The following RAB3B variants were observed in gnomAD, a reference collection of about 807,000 sequenced individuals.
RAB3B encodes RAB3B, member RAS oncogene family.
In RAB3B, 11 loss-of-function variants were observed where a neutral mutation model predicts 20.5. That is an observed-to-expected ratio of 0.54 (90% CI 0.34 to 0.89). The LOEUF is 0.89. RAB3B is among the 40% of genes least tolerant of loss of function. The probability of loss-of-function intolerance (pLI) is 0.02; values close to 1 mark genes in which losing one functional copy is unlikely to be tolerated. For missense variants in RAB3B, 225 were observed against 280.9 expected (o/e 0.80, Z 1.42); for synonymous variants, 99 against 106.3 (o/e 0.93, Z 0.42).
In RAB3B at chr1:51,944,896, C is replaced by T. The variant is rs960388363; in HGVS notation, c.229-7484G>A. 2.6e-5 allele frequency among the ~76,000 whole-genome samples: 4 copies of T among 152,314 alleles called. No homozygotes were observed. The East Asian group carries it at 7.7e-4, about 29-fold the overall frequency. ...AAAGCAGTAGCAAGGTTTGAGAGGA[C>T]TGACTCAAATTTTTAAAGAAGTTCT... On this transcript the variant is annotated intron_variant, in intron 2 of 4. Transcript: ENST00000371655.
rs139624821 is a variant in RAB3B, at chr1:51,936,776, C to T, written c.347+518G>A. Among the ~76,000 whole-genome samples the T allele has an allele frequency of 5.4e-3, 817 of 152,116 alleles. 3 individuals carry two copies. The highest frequency in any genetic ancestry group is 0.019 in the African/African-American group (778 of 41,510). ...GGGTTCCCACAGCCCTGATGCCTCG[C>T]TTCATCACTGCACCTAGCACACATT... is the stretch of plus-strand genomic sequence containing the variant. On this transcript the variant is annotated intron_variant, in intron 3 of 4. Transcript: ENST00000371655.
chr1:51,963,352 A>G lies in RAB3B; in HGVS notation c.228+13538T>C, dbSNP rs141747520. On this transcript the variant is annotated intron_variant, in intron 2 of 4. Coordinates refer to ENST00000371655, the MANE Select transcript of RAB3B (RefSeq NM_002867.4). ...TGGCCCAACTTGAATTCTAAGGTCA[A>G]TCATGACAACAGCCTCCCTTCACAT... Among the ~76,000 whole-genome samples the G allele has an allele frequency of 1.6e-4, 24 of 152,286 alleles. No homozygotes were observed. The East Asian group carries it at 4.6e-3, about 29-fold the overall frequency.
intron 1 of RAB3B, among the ~76,000 whole-genome samples, chr1:51,985,134 C>T (rs2809928): frequency 0.97 from 147,034 of 152,312 alleles, 71,166 homozygotes; most frequent in East Asian, 1. Flanking sequence ...TAGTACTATA[C>T]GTAAACAATC....
chr1:51,936,308 T>G (rs764742183), intron 3 of RAB3B, among the ~76,000 whole-genome samples: 4 of 152,204 alleles, frequency 2.6e-5, no homozygotes, highest in Non-Finnish European at 5.9e-5. Flanking sequence ...AAGCTATAAG[T>G]TGCTCAGAGG....
In RAB3B at chr1:51,914,709, A is replaced by T. The variant is rs1371899981; in HGVS notation, c.*5218T>A. 6.6e-6 allele frequency: 1 copy of T among 152,162 alleles called. No individual in the cohort carries two copies. The highest frequency in any genetic ancestry group is 6.5e-5 in the Admixed American group (1 of 15,268). 9.4% of individuals were successfully genotyped at this position (152,162 alleles called of 1,614,324 possible). A position where few individuals can be genotyped will look rare whatever the true frequency, so the allele number is the denominator to read the frequency against. Reference sequence around the variant, plus strand: ...CCACAGGATGCTACTTGATTCCCCAACTATGGCAGGTAATTGGGTGTAGGC... The same window carrying T: ...CCACAGGATGCTACTTGATTCCCCATCTATGGCAGGTAATTGGGTGTAGGC... On this transcript the variant is annotated 3_prime_UTR_variant, in exon 5 of 5. Transcript: ENST00000371655.
intron 1 of RAB3B, among the ~76,000 whole-genome samples, chr1:51,984,792 T>C (rs1685131842): frequency 6.6e-6 from 1 of 152,200 alleles, no homozygotes; most frequent in Admixed American, 6.5e-5. Context: ...TACTAAAACA[T>C]AAATGTGATC....
At chr1:51,922,778 C>T (rs1030266889) in intron 4 of RAB3B, among the ~76,000 whole-genome samples, 3 of 151,964 alleles carry the variant, frequency 2.0e-5, no homozygotes, top group African/African-American at 7.3e-5. Flanking sequence ...CTCACTGCAA[C>T]CTCTGCCTCC....
At chr1:51,980,247 A>G (rs1034107536) in intron 1 of RAB3B, among the ~76,000 whole-genome samples, 2 of 152,104 alleles carry the variant, frequency 1.3e-5, no homozygotes, top group Admixed American at 6.5e-5. Context: ...TGGGCAACAT[A>G]GGGAGACCCC....
In RAB3B at chr1:51,918,338, T is replaced by C. The variant is rs993287433; in HGVS notation, c.*1589A>G. 3.3e-5 allele frequency: 5 copies of C among 152,122 alleles called. No individual in the cohort carries two copies. Among genetic ancestry groups the C allele is most frequent in the African/African-American group, 1.2e-4 (5 of 41,406 alleles). 9.4% of individuals were successfully genotyped at this position (152,122 alleles called of 1,614,324 possible). On this transcript the variant is annotated 3_prime_UTR_variant, in exon 5 of 5. Coordinates refer to ENST00000371655, the MANE Select transcript of RAB3B (RefSeq NM_002867.4). Reference sequence around the variant, plus strand: ...TGCTCAAGAGCAGTTAAAAGATGGATTGGAGGAAAAGGGCAGGATAGGGAG... The same window carrying C: ...TGCTCAAGAGCAGTTAAAAGATGGACTGGAGGAAAAGGGCAGGATAGGGAG...
At chr1:51,977,145 GA>G in intron 1 of RAB3B, 28 bp from the exon 2 acceptor site, 1 of 1,583,644 alleles carries the variant, frequency 6.3e-7, no homozygotes, top group Non-Finnish European at 8.7e-7. Context: ...AGTCACTCAG[GA>G]ACAGACCTTC....
At chr1:51,986,359 C>G (rs1014639553) in intron 1 of RAB3B, among the ~76,000 whole-genome samples, 2 of 152,088 alleles carry the variant, frequency 1.3e-5, no homozygotes, top group East Asian at 3.9e-4. Flanking sequence ...ACCGTGTTAG[C>G]CAGGATGGTC....
chr1:51,936,268 C>T (rs1684402363), intron 3 of RAB3B, among the ~76,000 whole-genome samples: 1 of 152,170 alleles, frequency 6.6e-6, no homozygotes, highest in African/African-American at 2.4e-5. Flanking sequence ...CCTCAGGCTC[C>T]CTTCTCCTGG....
chr1:51,957,625 G>C (rs1379932480), intron 2 of RAB3B, among the ~76,000 whole-genome samples: 6 of 152,194 alleles, frequency 3.9e-5, no homozygotes, highest in Admixed American at 3.9e-4. Context: ...TGTTGTGACA[G>C]TGTGTTGGTA....
intron 2 of RAB3B, chr1:51,973,519 T>A (rs1349641187): frequency 6.6e-6 from 1 of 152,170 alleles, no homozygotes; most frequent in African/African-American, 2.4e-5. Flanking sequence ...TCGTATCTAA[T>A]TAGATTATCA....
At chr1:51,944,228 C>T (rs1684533039) in intron 2 of RAB3B, among the ~76,000 whole-genome samples, 1 of 152,166 alleles carries the variant, frequency 6.6e-6, no homozygotes, top group South Asian at 2.1e-4. Flanking sequence ...TGGATGACAA[C>T]ACATCTGTTT....
intron 2 of RAB3B, among the ~76,000 whole-genome samples, chr1:51,964,166 A>G (rs960232539): frequency 2.6e-5 from 4 of 152,192 alleles, no homozygotes; most frequent in African/African-American, 7.2e-5. Flanking sequence ...CTACTCCACC[A>G]AAACAACTTG....
intron 4 of RAB3B, among the ~76,000 whole-genome samples, chr1:51,923,592 G>A (rs1195930263): frequency 1.3e-5 from 2 of 152,002 alleles, no homozygotes; most frequent in Non-Finnish European, 1.5e-5. Flanking sequence ...GGCACTGCCT[G>A]TAATCCCAGC....
intron 2 of RAB3B, among the ~76,000 whole-genome samples, chr1:51,971,334 C>T (rs576724982): frequency 6.6e-6 from 1 of 152,202 alleles, no homozygotes; most frequent in African/African-American, 2.4e-5. Flanking sequence ...CAGTCTCCCC[C>T]TATCCTTGGG....
intron 2 of RAB3B, among the ~76,000 whole-genome samples, chr1:51,975,606 G>C (rs72665017): frequency 6.6e-6 from 1 of 152,176 alleles, no homozygotes; most frequent in Non-Finnish European, 1.5e-5. Context: ...CACTTCAGCA[G>C]CTCTGTGAAG....
Sources: gnomAD v4.1 joint callset for allele counts (sites outside exome capture counted in the v4.1 genomes callset) on GRCh38, gnomAD v4.1.1 for gene constraint, MANE v1.5 for transcripts, NCBI Gene and HGNC (gene_info 2026-07-23, HGNC 2026-07-21) for gene names.